GRID1: variants seen among roughly 807,000 people sequenced by gnomAD.
GRID1 encodes glutamate ionotropic receptor delta type subunit 1.
Under a neutral mutation model 98.0 loss-of-function variants are expected in GRID1, and 28 were observed. That is an observed-to-expected ratio of 0.29 (90% CI 0.21 to 0.39). The LOEUF is 0.39. GRID1 is among the 10% of genes least tolerant of loss of function. GRID1 has a pLI of 1.00. For synonymous variants in GRID1, 553 were observed against 538.5 expected, an observed-to-expected ratio of 1.03 and a Z score of -0.37; for missense variants, 1,111 against 1,340.5, an observed-to-expected ratio of 0.83 and a Z score of 2.67.
intron 2 of GRID1, among the ~76,000 whole-genome samples, chr10:86,250,121 G>A (rs1194202120): frequency 6.6e-6 from 1 of 152,162 alleles, no homozygotes; most frequent in East Asian, 1.9e-4. Flanking sequence ...GCATGTATGA[G>A]TCAACAGGAA....
At chr10:85,649,487 C>CTT (rs566169350) in intron 12 of GRID1, among the ~76,000 whole-genome samples, 2 of 147,188 alleles carry the variant, frequency 1.4e-5, no homozygotes, top group Admixed American at 6.8e-5. Flanking sequence ...GGAGGGGGAT[C>CTT]TTTTTTTTTT....
intron 4 of GRID1, among the ~76,000 whole-genome samples, chr10:85,984,458 T>C (rs1351557026): frequency 6.6e-6 from 1 of 151,884 alleles, no homozygotes; most frequent in Admixed American, 6.5e-5. Context: ...TGCTGAGAGG[T>C]CTGGGCGGGA....
At chr10:86,148,590 A>G (rs960519105) in intron 3 of GRID1, among the ~76,000 whole-genome samples, 2 of 152,184 alleles carry the variant, frequency 1.3e-5, no homozygotes, top group Admixed American at 6.5e-5. Context: ...ATATTCGAAA[A>G]TTCATAACAG....
chr10:86,296,531 G>C (rs967498733), intron 2 of GRID1, among the ~76,000 whole-genome samples: 1 of 152,084 alleles, frequency 6.6e-6, no homozygotes, highest in Non-Finnish European at 1.5e-5. Context: ...TTGAGATCAG[G>C]AGTTCAAGAC....
At chr10:85,804,608 T>C (rs747586211) in intron 8 of GRID1, among the ~76,000 whole-genome samples, 6 of 151,872 alleles carry the variant, frequency 4.0e-5, no homozygotes, top group Non-Finnish European at 5.9e-5. Flanking sequence ...TTCACTTATA[T>C]ATAAAAAAGA....
At chr10:86,025,817 G>A (rs1400269755) in intron 4 of GRID1, among the ~76,000 whole-genome samples, 2 of 152,170 alleles carry the variant, frequency 1.3e-5, no homozygotes, top group African/African-American at 4.8e-5. Flanking sequence ...CCAGTTTTGG[G>A]ACCTGGAATA....
chr10:85,604,082 T>A (rs1456040390), intron 15 of GRID1, among the ~76,000 whole-genome samples: 2 of 152,124 alleles, frequency 1.3e-5, no homozygotes, highest in Non-Finnish European at 2.9e-5. Context: ...GATGAGTGCA[T>A]GAATCACAGG....
intron 5 of GRID1, among the ~76,000 whole-genome samples, chr10:85,881,966 T>C (rs1191235134): frequency 1.3e-5 from 2 of 152,066 alleles, no homozygotes; most frequent in Non-Finnish European, 2.9e-5. Context: ...GGGCAAAGGA[T>C]ATGAACAGAC....
intron 3 of GRID1, among the ~76,000 whole-genome samples, chr10:86,194,003 C>T (rs1414286798): frequency 6.6e-6 from 1 of 152,072 alleles, no homozygotes; most frequent in Non-Finnish European, 1.5e-5. Context: ...TGACTTTCTG[C>T]CCAATCACAC....
chr10:86,114,533 C>T lies in GRID1; in HGVS notation c.726+24286G>A, dbSNP rs138239285. On this transcript the variant is annotated intron_variant, in intron 4 of 15. Coordinates refer to ENST00000327946, the MANE Select transcript of GRID1 (RefSeq NM_017551.3). ...CGGGTCTGGGAGATGCTGGGAGTTGCGCTCACATCTGACTGATGCCACAGC... is the reference window on the plus strand; with the variant it reads ...CGGGTCTGGGAGATGCTGGGAGTTGTGCTCACATCTGACTGATGCCACAGC... Among the ~76,000 whole-genome samples, 355 of 152,260 alleles carry T rather than the reference C, an allele frequency of 2.3e-3. 2 individuals carry two copies. The highest frequency in any genetic ancestry group is 8.3e-3 in the African/African-American group (346 of 41,558).
intron 8 of GRID1, among the ~76,000 whole-genome samples, chr10:85,822,362 C>T (rs908443203): frequency 6.6e-6 from 1 of 152,124 alleles, no homozygotes; most frequent in Admixed American, 6.5e-5. Flanking sequence ...ACAACCCCAT[C>T]AAAAAGTGGG....
intron 5 of GRID1, among the ~76,000 whole-genome samples, chr10:85,914,547 G>A (rs1050459569): frequency 1.3e-5 from 2 of 152,072 alleles, no homozygotes; most frequent in East Asian, 1.9e-4. Flanking sequence ...TGCACCCCAC[G>A]GTAAATGGAC....
At chr10:85,699,683 T>C (rs564794630) in intron 12 of GRID1, among the ~76,000 whole-genome samples, 2 of 152,326 alleles carry the variant, frequency 1.3e-5, no homozygotes. Context: ...TTTCTTTACA[T>C]TGAGATAATT....
chr10:85,602,340 G>A lies in GRID1; in HGVS notation c.2963C>T (p.Ser988Phe). 2.5e-6 allele frequency: 4 copies of A among 1,581,400 alleles called. No individual in the cohort carries two copies. Among genetic ancestry groups the A allele is most frequent in the Non-Finnish European group, 3.4e-6 (4 of 1,161,560 alleles). Residue 988 changes from serine to phenylalanine, a missense_variant, in exon 16 of 16, where the codon TCC becomes TTC. Around this residue, in one of 3 missense-constraint regions of GRID1, gnomAD observed 762 missense variants for 869.1 expected, o/e 0.88. Coordinates refer to ENST00000327946, the MANE Select transcript of GRID1 (RefSeq NM_017551.3). ...GACGCCTCCAGGCACGGGCTGGAAG[G>A]ACATGGGGATGGGGGTCTTCACCGG... ...QSPVKTPIPMSFQPVPGGVLP... is the reference protein window; with the variant it reads ...QSPVKTPIPMFFQPVPGGVLP...
chr10:85,876,995 T>G (rs1843339811), intron 5 of GRID1, among the ~76,000 whole-genome samples: 1 of 152,200 alleles, frequency 6.6e-6, no homozygotes, highest in African/African-American at 2.4e-5. Flanking sequence ...CCACGGAGTC[T>G]CGCTGATTGC....
intron 4 of GRID1, among the ~76,000 whole-genome samples, chr10:86,076,479 G>A (rs1260969770): frequency 6.6e-6 from 1 of 152,232 alleles, no homozygotes; most frequent in Non-Finnish European, 1.5e-5. Context: ...CAGAGAAACA[G>A]AACCAGTAAG....
At chr10:85,617,259 G>A (rs1383490926) in intron 14 of GRID1, among the ~76,000 whole-genome samples, 2 of 147,328 alleles carry the variant, frequency 1.4e-5, no homozygotes, top group East Asian at 4.0e-4. Context: ...TGAGAACAGG[G>A]TCACGTTTTG....
At chr10:86,319,444 G>A (rs2132093914) in intron 2 of GRID1, among the ~76,000 whole-genome samples, 1 of 152,268 alleles carries the variant, frequency 6.6e-6, no homozygotes, top group African/African-American at 2.4e-5. Context: ...AGCCAGGATT[G>A]CAGAGCCAGG....
intron 8 of GRID1, among the ~76,000 whole-genome samples, chr10:85,809,293 A>G (rs1204934090): frequency 1.3e-5 from 2 of 152,204 alleles, no homozygotes; most frequent in Non-Finnish European, 2.9e-5. Context: ...AAAAGAAGAG[A>G]AAGTATCACA....
Sources: allele counts gnomAD v4.1 joint callset (sites outside exome capture counted in the v4.1 genomes callset), GRCh38; gene constraint gnomAD v4.1.1; regional missense constraint gnomAD v4.1.1; transcripts MANE v1.5; gene names NCBI Gene and HGNC (gene_info 2026-07-23, HGNC 2026-07-21).